The following LRMDA variants were observed in gnomAD, a reference collection of about 807,000 sequenced individuals.
LRMDA encodes the protein leucine-rich melanocyte differentiation-associated protein.
LRMDA carries 18 observed loss-of-function variants against 29.8 expected under a neutral mutation model. The observed-to-expected ratio is 0.60, with a 90% CI of 0.42 to 0.90. The LOEUF is 0.90. Ranked by LOEUF, LRMDA falls within the 40% of genes least tolerant of loss-of-function variation. The pLI is 0.00. For synonymous variants in LRMDA, 125 were observed against 109.4 expected (o/e 1.14, Z -0.89); for missense variants, 273 against 273.9 (o/e 1.00, Z 0.02).
chr10:75,781,415 G>T (rs1336777708), intron 2 of LRMDA, among the ~76,000 whole-genome samples: 1 of 152,034 alleles, frequency 6.6e-6, no homozygotes, highest in African/African-American at 2.4e-5. Context: ...CTAATTAATT[G>T]GTTATTGATT....
At chr10:75,978,330 T>G (rs912399779) in intron 2 of LRMDA, among the ~76,000 whole-genome samples, 1 of 152,198 alleles carries the variant, frequency 6.6e-6, no homozygotes, top group African/African-American at 2.4e-5. Flanking sequence ...TTAGCATATT[T>G]TCTCATGATT....
intron 5 of LRMDA, among the ~76,000 whole-genome samples, chr10:76,173,779 G>A (rs1260090196): frequency 6.6e-6 from 1 of 152,108 alleles, no homozygotes; most frequent in Non-Finnish European, 1.5e-5. Context: ...TCCTGCCTCA[G>A]CCTCCCGAGT....
At chr10:76,389,207 G>A (rs1841694948) in intron 6 of LRMDA, among the ~76,000 whole-genome samples, 1 of 152,150 alleles carries the variant, frequency 6.6e-6, no homozygotes, top group African/African-American at 2.4e-5. Flanking sequence ...CATGTAGAAA[G>A]CCCCCAGGCA....
At chr10:76,088,941 G>GT (rs1849185083) in intron 5 of LRMDA, among the ~76,000 whole-genome samples, 1 of 152,046 alleles carries the variant, frequency 6.6e-6, no homozygotes, top group South Asian at 2.1e-4. Context: ...GTTCTCATTA[G>GT]TTTGAGTATG....
chr10:75,849,229 A>C (rs1844690255), intron 2 of LRMDA, among the ~76,000 whole-genome samples: 1 of 151,742 alleles, frequency 6.6e-6, no homozygotes. Flanking sequence ...CTGTAAATTC[A>C]ATTCCCAGCA....
At chr10:76,069,763 T>C (rs1389080262) in intron 5 of LRMDA, among the ~76,000 whole-genome samples, 1 of 152,154 alleles carries the variant, frequency 6.6e-6, no homozygotes, top group Non-Finnish European at 1.5e-5. Context: ...ACCTGTCACG[T>C]ATTTTTGTTG....
intron 2 of LRMDA, among the ~76,000 whole-genome samples, chr10:75,872,286 T>G (rs1170472162): frequency 6.6e-6 from 1 of 151,488 alleles, no homozygotes; most frequent in Admixed American, 6.6e-5. Flanking sequence ...ATTCGTTCTA[T>G]TCTCTCTCTC....
intron 2 of LRMDA, among the ~76,000 whole-genome samples, chr10:75,895,225 G>A (rs1441321374): frequency 6.6e-6 from 1 of 152,196 alleles, no homozygotes; most frequent in African/African-American, 2.4e-5. Flanking sequence ...TGGGGAAAGT[G>A]GTGTTTTAAG....
chr10:76,061,468 G>A (rs1359677742), intron 5 of LRMDA, among the ~76,000 whole-genome samples: 2 of 152,048 alleles, frequency 1.3e-5, no homozygotes, highest in Admixed American at 1.3e-4. Flanking sequence ...AAACCCCCGT[G>A]ACACAAGTTT....
intron 3 of LRMDA, among the ~76,000 whole-genome samples, chr10:76,041,040 C>T (rs2132034827): frequency 6.6e-6 from 1 of 152,338 alleles, no homozygotes; most frequent in East Asian, 1.9e-4. Flanking sequence ...AGTCTCTGTA[C>T]CTTGTCAGGG....
chr10:75,872,987 T>G (rs1019714291), intron 2 of LRMDA, among the ~76,000 whole-genome samples: 3 of 152,206 alleles, frequency 2.0e-5, no homozygotes, highest in African/African-American at 7.2e-5. Flanking sequence ...AAATATCTGT[T>G]GGAATGAATT....
chr10:75,903,083 G>A (rs1349785825), intron 2 of LRMDA, among the ~76,000 whole-genome samples: 1 of 152,190 alleles, frequency 6.6e-6, no homozygotes, highest in African/African-American at 2.4e-5. Context: ...ATCCTTTTGT[G>A]GAGCTTCTGC....
chr10:75,443,448 G>A lies in LRMDA; in HGVS notation c.131+4954G>A, dbSNP rs918865459. 7.2e-5 allele frequency among the ~76,000 whole-genome samples: 11 copies of A among 151,942 alleles called. No homozygotes were observed. In the East Asian group the frequency reaches 1.5e-3, roughly 21 times the overall value. ...TATCAAATGCTTTTTCTGTTAATAT[G>A]GTATCCTTTATTCTGTTAATGTGGT... On this transcript the variant is annotated intron_variant, in intron 2 of 6. Coordinates refer to ENST00000611255, the MANE Select transcript of LRMDA (RefSeq NM_001305581.2).
At chr10:76,290,327 G>A (rs1459022982) in intron 5 of LRMDA, among the ~76,000 whole-genome samples, 3 of 151,820 alleles carry the variant, frequency 2.0e-5, no homozygotes, top group Non-Finnish European at 2.9e-5. Flanking sequence ...GAAAAGCATG[G>A]GTCTGCAGCA....
chr10:76,146,685 A>C (rs1020680968), intron 5 of LRMDA, among the ~76,000 whole-genome samples: 12 of 152,174 alleles, frequency 7.9e-5, no homozygotes, highest in African/African-American at 2.9e-4. Flanking sequence ...GCCCATTTAC[A>C]TTTAAAGTTA....
intron 5 of LRMDA, among the ~76,000 whole-genome samples, chr10:76,174,880 T>C (rs553951202): frequency 8.0e-6 from 1 of 124,674 alleles, no homozygotes; most frequent in South Asian, 2.6e-4. Flanking sequence ...AGCACTTTGC[T>C]AGGCCGAGGC....
At chr10:76,276,403 C>A (rs1406899997) in intron 5 of LRMDA, among the ~76,000 whole-genome samples, 1 of 152,044 alleles carries the variant, frequency 6.6e-6, no homozygotes, top group African/African-American at 2.4e-5. Context: ...CTTGGCCTCT[C>A]AAAGTGTCAG....
intron 2 of LRMDA, among the ~76,000 whole-genome samples, chr10:75,599,212 G>T (rs527630633): frequency 6.6e-6 from 1 of 152,286 alleles, no homozygotes; most frequent in South Asian, 2.1e-4. Flanking sequence ...AGTTTGTCTT[G>T]TAAAAGTGCA....
intron 6 of LRMDA, among the ~76,000 whole-genome samples, chr10:76,458,889 T>G (rs981584568): frequency 1.3e-5 from 2 of 152,072 alleles, no homozygotes; most frequent in Admixed American, 1.3e-4. Flanking sequence ...GCCATTTTCC[T>G]CAGCCTGCAA....
Sources: allele counts gnomAD v4.1 joint callset (sites outside exome capture counted in the v4.1 genomes callset), GRCh38; gene constraint gnomAD v4.1.1; transcripts MANE v1.5; gene names NCBI Gene and HGNC (gene_info 2026-07-23, HGNC 2026-07-21).